ZNF880: variants seen among roughly 807,000 people sequenced by gnomAD.
The protein encoded by ZNF880 is zinc finger protein 880, also known as zinc finger protein LOC400713.
A neutral mutation model predicts 11.8 loss-of-function variants in ZNF880; 12 were observed. That is an observed-to-expected ratio of 1.02 (90% confidence interval 0.65 to 1.65). The LOEUF is 1.65. Ranked by LOEUF, ZNF880 falls within the 40% of genes most tolerant of loss-of-function variation. ZNF880 has a pLI of 0.00. For synonymous variants in ZNF880, 210 were observed against 232.4 expected, an observed-to-expected ratio of 0.90 and a Z score of 0.88; for missense variants, 601 against 673.9, an observed-to-expected ratio of 0.89 and a Z score of 1.20.
At chr19:52,373,967 C>T (rs955330522) in intron 2 of ZNF880, among the ~76,000 whole-genome samples, 8 of 151,984 alleles carry the variant, frequency 5.3e-5, no homozygotes, top group Admixed American at 6.6e-5. Flanking sequence ...CCGTGCCTGG[C>T]GAAATACTAT....
intron 2 of ZNF880, among the ~76,000 whole-genome samples, chr19:52,373,654 A>G (rs889740781): frequency 6.8e-6 from 1 of 147,078 alleles, no homozygotes; most frequent in African/African-American, 2.5e-5. Flanking sequence ...GGATGAATTC[A>G]TGTGAAATAC....
chr19:52,390,929 TCAAAAAA>T, the ZNF880 span: 4 of 152,688 alleles, frequency 2.6e-5, no homozygotes, highest in Admixed American at 6.6e-5. Flanking sequence ...AAACTCCATC[TCAAAAAA>T]CAAAAAACAA....
In ZNF880 at chr19:52,385,383, G is replaced by T. The variant is rs1472731580; in HGVS notation, c.*69G>T. The T allele has an allele frequency of 2.7e-6, 4 of 1,487,574 alleles. No individual in the cohort carries two copies. The highest frequency in any genetic ancestry group is 3.6e-6 in the Non-Finnish European group (4 of 1,104,854). The allele number at this position is 1,487,574 out of a possible 1,614,324, so 92.1% of individuals were successfully genotyped here. On this transcript the variant is annotated 3_prime_UTR_variant, in exon 4 of 4. Coordinates refer to ENST00000422689, the MANE Select transcript of ZNF880 (RefSeq NM_001145434.2). ...AGCATGAGATAATTCATTCATGAGA[G>T]AGTTCTTACAAACTGAGTATGGCAA...
At chr19:52,393,828 C>G in the ZNF880 span, among the ~76,000 whole-genome samples, 1 of 145,308 alleles carries the variant, frequency 6.9e-6, no homozygotes, top group East Asian at 2.1e-4. Flanking sequence ...ATTTCTTTGC[C>G]CCCCCCCTTT....
At chr19:52,370,051 G>T in intron 1 of ZNF880, 74 bp downstream of exon 1, 1 of 1,531,376 alleles carries the variant, frequency 6.5e-7, no homozygotes, top group South Asian at 1.2e-5. Flanking sequence ...CATCTCAGGG[G>T]TCACACAGAC....
At chr19:52,372,999 A>G in intron 1 of ZNF880, 112 bp from the exon 2 acceptor site, 1 of 1,091,226 alleles carries the variant, frequency 9.2e-7, no homozygotes. Flanking sequence ...ACTAGCTAAA[A>G]AAATACCTTA....
downstream of ZNF880, among the ~76,000 whole-genome samples, chr19:52,388,156 G>A (rs572387158): frequency 1.3e-5 from 2 of 151,714 alleles, no homozygotes; most frequent in African/African-American, 2.4e-5. Context: ...GGGATTACAG[G>A]TGTGAGCCAC....
At chr19:52,373,337 C>T in intron 2 of ZNF880, 100 bp downstream of exon 2, 1 of 1,263,234 alleles carries the variant, frequency 7.9e-7, no homozygotes, top group Non-Finnish European at 1.1e-6. Flanking sequence ...TATTGCTTGA[C>T]TGAGATTGAA....
At chr19:52,377,789 G>C (rs1035365187) in intron 3 of ZNF880, among the ~76,000 whole-genome samples, 1 of 152,164 alleles carries the variant, frequency 6.6e-6, no homozygotes, top group African/African-American at 2.4e-5. Context: ...CACCCTCCAG[G>C]CACCTGTGTG....
At chr19:52,393,466 A>G in the ZNF880 span, among the ~76,000 whole-genome samples, 1 of 151,218 alleles carries the variant, frequency 6.6e-6, no homozygotes, top group Non-Finnish European at 1.5e-5. Flanking sequence ...AATACAAACT[A>G]GGTTTACTGT....
In ZNF880 at chr19:52,384,870, C is replaced by T. The variant is rs933057042; in HGVS notation, c.1290C>T (p.His430=). 3.9e-6 allele frequency: 6 copies of T among 1,556,486 alleles called. No individual in the cohort carries two copies. In the East Asian group the frequency reaches 7.0e-5, roughly 18 times the overall value. ...GCCTTACTGCCCATCTACTAATTCA[C>T]ACTGGAGAGAAACCTTACAAATGTA... ...CSGLTAHLLI[H]TGEKPYKCKE... is the part of the protein sequence containing the mutation. The change falls in exon 4 of 4, where the codon CAC becomes CAT. Residue 430 remains histidine, a synonymous_variant. Transcript: ENST00000422689.
At chr19:52,378,673 T>G (rs986358761) in intron 3 of ZNF880, among the ~76,000 whole-genome samples, 6 of 145,586 alleles carry the variant, frequency 4.1e-5, no homozygotes, top group African/African-American at 1.5e-4. Context: ...AAAAGAAAGA[T>G]CCTTTATTGG....
At chr19:52,366,862 TTA>T, upstream of ZNF880, 16 of 976,678 alleles carry the variant, frequency 1.6e-5, no homozygotes, top group Non-Finnish European at 2.1e-5. Flanking sequence ...GGCAAAGAAT[TTA>T]GTTTGCATTG....
At chr19:52,383,803 T>C (rs1348402395) in intron 3 of ZNF880, 46 bp from the exon 4 acceptor site, 1 of 1,484,476 alleles carries the variant, frequency 6.7e-7, no homozygotes, top group East Asian at 2.5e-5. Flanking sequence ...ACACTGAACA[T>C]GCCATTGTCA....
chr19:52,390,325 G>A (rs563145314), downstream of ZNF880: 5 of 409,176 alleles, frequency 1.2e-5, no homozygotes, highest in South Asian at 6.8e-5. Flanking sequence ...CAGCGACGCA[G>A]CCCCAGTCCC....
chr19:52,388,522 C>T (rs567949593), downstream of ZNF880, among the ~76,000 whole-genome samples: 11 of 151,726 alleles, frequency 7.2e-5, no homozygotes, highest in African/African-American at 1.5e-4. Context: ...GTGATCCACC[C>T]GCCTCAGCCT....
chr19:52,372,365 G>A (rs1986401897), intron 1 of ZNF880, among the ~76,000 whole-genome samples: 1 of 144,006 alleles, frequency 6.9e-6, no homozygotes, highest in African/African-American at 2.5e-5. Context: ...TCGGCTCACT[G>A]CAAGCTCCGC....
At chr19:52,395,938 G>A in the ZNF880 span, among the ~76,000 whole-genome samples, 5 of 152,038 alleles carry the variant, frequency 3.3e-5, no homozygotes, top group Admixed American at 3.3e-4. Context: ...CAGTCTCTCC[G>A]CCAATCCAGA....
intron 3 of ZNF880, among the ~76,000 whole-genome samples, chr19:52,376,786 A>C (rs552575613): frequency 4.0e-4 from 61 of 152,232 alleles, no homozygotes; most frequent in South Asian, 2.9e-3. Flanking sequence ...CTGGGATTAT[A>C]GGGGTGAGAG....
Sources: allele counts gnomAD v4.1 joint callset (sites outside exome capture counted in the v4.1 genomes callset), GRCh38; gene constraint gnomAD v4.1.1; transcripts MANE v1.5; gene names NCBI Gene and HGNC (gene_info 2026-07-23, HGNC 2026-07-21).